The following SCRIB variants were observed in gnomAD, a reference collection of about 807,000 sequenced individuals.
The protein encoded by SCRIB is protein scribble homolog.
In SCRIB, 72 loss-of-function variants were observed where a neutral mutation model predicts 170.0. That is an observed-to-expected ratio of 0.42 (90% CI 0.35 to 0.52). The LOEUF (loss-of-function observed/expected upper bound fraction) is 0.52. SCRIB is among the 20% of genes least tolerant of loss of function. The pLI is 0.02. For synonymous variants in SCRIB, 1,298 were observed against 1,044.3 expected (o/e 1.24, Z -4.68); for missense variants, 2,475 against 2,338.5 (o/e 1.06, Z -1.20).
At chr8:143,801,975 G>A (rs1250283789) in intron 24 of SCRIB, among the ~76,000 whole-genome samples, 4 of 152,242 alleles carry the variant, frequency 2.6e-5, no homozygotes, top group Non-Finnish European at 4.4e-5. Context: ...CTGCAGACAT[G>A]GCACTAGCCC....
At chr8:143,809,849 C>T (rs905663001) in intron 13 of SCRIB, 131 bp from the exon 14 acceptor site, 84 of 1,044,864 alleles carry the variant, frequency 8.0e-5, no homozygotes, top group Non-Finnish European at 9.6e-5. Flanking sequence ...AACGGGCTCA[C>T]GCCCTCGCAG....
chr8:143,812,171 C>G (rs1227865930), intron 9 of SCRIB, 95 bp downstream of exon 9: 14 of 859,352 alleles, frequency 1.6e-5, no homozygotes, highest in Middle Eastern at 2.2e-4. Context: ...CAGGCTGCCA[C>G]CAGCACCCCC....
At chr8:143,799,496 G>A (rs1815082548) in intron 24 of SCRIB, among the ~76,000 whole-genome samples, 1 of 152,202 alleles carries the variant, frequency 6.6e-6, no homozygotes, top group Admixed American at 6.5e-5. Flanking sequence ...GGCCCAGTGG[G>A]AGAGGACTTG....
At position 143,812,838 on chromosome 8, in the gene SCRIB, G is replaced by A. The variant is rs766529502; in HGVS notation, c.766C>T (p.Arg256Trp). The change falls in exon 8 of 37, where the codon CGG (arginine) becomes TGG (tryptophan). Residue 256 changes from arginine to tryptophan, a missense_variant. Transcript: ENST00000356994. ...TAACCGATGCCGTCGGGCAGCCTCCGCAGCAGGTTCTGGGACAGCAGCAGG... is the reference window on the plus strand; with the variant it reads ...TAACCGATGCCGTCGGGCAGCCTCCACAGCAGGTTCTGGGACAGCAGCAGG... ...TDLLLSQNLL[R>W]RLPDGIGQLK... is the part of the protein sequence containing the mutation. 47 of 1,602,784 alleles carry A rather than the reference G, an allele frequency of 2.9e-5. No individual in the cohort carries two copies. Among genetic ancestry groups the A allele is most frequent in the African/African-American group, 5.3e-5 (4 of 74,918 alleles).
At chr8:143,794,256 G>A in intron 27 of SCRIB, 1 of 422,850 alleles carries the variant, frequency 2.4e-6, no homozygotes, top group East Asian at 3.5e-5. Flanking sequence ...AGCAGGGAGG[G>A]CTCGGGGGAG....
chr8:143,815,048 G>C (rs919718889), intron 1 of SCRIB, 166 bp downstream of exon 1: 1 of 764,062 alleles, frequency 1.3e-6, no homozygotes, highest in Non-Finnish European at 1.9e-6. Flanking sequence ...GCGCCAGCCA[G>C]GGCGGCTGGA....
chr8:143,792,306 C>A lies in SCRIB; in HGVS notation c.4428G>T (p.Pro1476=). The stretch of plus-strand genomic sequence containing the variant: ...GGGCACGCTCGGGTGCCGGTGGCTC[C>A]GGACTCTGCACGCGCAGCCGCTCCT... ...RHQERLRVQS[P]EPPAPERALS... Residue 1476 remains proline (P), a synonymous_variant, in exon 32 of 37, where the codon CCG becomes CCT. Coordinates refer to ENST00000356994, the MANE Select transcript of SCRIB (RefSeq NM_182706.5). 6.4e-7 allele frequency: 1 copy of A among 1,557,904 alleles called. No individual in the cohort carries two copies. Among genetic ancestry groups the A allele is most frequent in the Non-Finnish European group, 8.6e-7 (1 of 1,159,276 alleles).
chr8:143,810,874 C>G, intron 11 of SCRIB, 32 bp downstream of exon 11: 1 of 1,609,076 alleles, frequency 6.2e-7, no homozygotes, highest in Non-Finnish European at 8.5e-7. Flanking sequence ...TGAGAGCCAC[C>G]CCGCGCTAAG....
intron 17 of SCRIB, 146 bp downstream of exon 17, chr8:143,806,778 G>A (rs1815443808): frequency 6.0e-6 from 4 of 668,854 alleles, no homozygotes; most frequent in Non-Finnish European, 1.0e-5. Flanking sequence ...TGGACTTCGG[G>A]ATCCCACAAC....
At chr8:143,811,560 T>G (rs1350226703) in intron 9 of SCRIB, among the ~76,000 whole-genome samples, 1 of 152,008 alleles carries the variant, frequency 6.6e-6, no homozygotes, top group East Asian at 1.9e-4. Context: ...CCCTCAGCCT[T>G]CAGTCCCCAC....
In SCRIB at chr8:143,813,755, A is replaced by C. The variant is rs199833137; in HGVS notation, c.357-29T>G. 464 of 1,612,120 alleles carry C rather than the reference A, an allele frequency of 2.9e-4. 3 individuals are homozygous for C. The African/African-American group carries it at 5.2e-3, about 18-fold the overall frequency. On this transcript the variant is annotated intron_variant, in intron 3 of 36. Transcript: ENST00000356994. The stretch of plus-strand genomic sequence containing the variant: ...GATGGGAGGAAGCAGAGGCCCTCGG[A>C]TGACCAGTCCAGGGCTGTGGGACCC...
chr8:143,807,962 C>T (rs937056193), intron 15 of SCRIB, among the ~76,000 whole-genome samples: 11 of 152,198 alleles, frequency 7.2e-5, no homozygotes, highest in Non-Finnish European at 1.6e-4. Flanking sequence ...GCCCAGAGAG[C>T]AGGTGAGACC....
At chr8:143,813,218 G>A in intron 6 of SCRIB, 93 bp downstream of exon 6, 1 of 1,587,832 alleles carries the variant, frequency 6.3e-7, no homozygotes, top group Non-Finnish European at 8.6e-7. Context: ...CTCCCGAGGT[G>A]CCCCTTGCTG....
intron 24 of SCRIB, among the ~76,000 whole-genome samples, chr8:143,802,944 G>A (rs914177931): frequency 6.6e-6 from 1 of 152,200 alleles, no homozygotes; most frequent in African/African-American, 2.4e-5. Context: ...GGGCTGAGAG[G>A]AGCAAGGTGC....
chr8:143,808,861 C>G lies in SCRIB; in HGVS notation c.1863G>C (p.Gln621His), dbSNP rs765764471. ...GCAGCAGAGCCACAACGGCCTCGGGCTGGGGCAGCTTGGAGATCTTGAAGT... is the reference window on the plus strand; with the variant it reads ...GCAGCAGAGCCACAACGGCCTCGGGGTGGGGCAGCTTGGAGATCTTGAAGT... ...KKHFKISKLP[Q>H]PEAVVALLQG... Residue 621 changes from glutamine (Q) to histidine (H), a missense_variant, in exon 15 of 37, where the codon CAG (glutamine) becomes CAC (histidine). Gln to His is a conservative substitution (Grantham distance 24). This residue lies in a region of SCRIB where 1,966 missense variants were observed against 1,742.9 expected (regional missense o/e 1.13). Transcript: ENST00000356994. The G allele has an allele frequency of 6.2e-7, 1 of 1,610,464 alleles. No homozygotes were observed. The highest frequency in any genetic ancestry group is 1.1e-5 in the South Asian group (1 of 91,084).
At position 143,795,322 on chromosome 8, in the gene SCRIB, C is replaced by A. The variant is rs200280295; in HGVS notation, c.3726G>T (p.Leu1242=). Residue 1242 remains leucine, a synonymous_variant, in exon 26 of 37, where the codon CTG becomes CTT. Transcript: ENST00000356994. ...SPEGPGKEKE[L]PGQTLHWGPE... The stretch of plus-strand genomic sequence containing the variant: ...GCCCCCAGTGCAGGGTCTGTCCAGG[C>A]AGCTCCTTCTCCTGTGAGCAGAGCA... The A allele has an allele frequency of 4.3e-6, 7 of 1,612,704 alleles. No homozygotes were observed. In the Admixed American group the frequency reaches 6.7e-5, roughly 15 times the overall value.
chr8:143,801,803 C>T (rs1815182599), intron 24 of SCRIB, among the ~76,000 whole-genome samples: 1 of 152,296 alleles, frequency 6.6e-6, no homozygotes, highest in South Asian at 2.1e-4. Flanking sequence ...TGGTATCTGC[C>T]CCCAACACCA....
Position 143,810,804 on chromosome 8 carries a change from T to C in SCRIB, c.1286A>G (p.Gln429Arg). 3.1e-6 allele frequency: 5 copies of C among 1,601,862 alleles called. No homozygotes were observed. Among genetic ancestry groups the C allele is most frequent in the Non-Finnish European group, 4.2e-6 (5 of 1,176,768 alleles). ...QPPPSLEDAG[Q>R]QGSLSETWSD... ...CCAGGTCTCCGAGAGGCTCCCCTGC[T>C]GCCCAGCATCCTCTGCAGCAGGTGA... is the stretch of plus-strand genomic sequence containing the variant. The change falls in exon 12 of 37, where the codon CAG (glutamine) becomes CGG (arginine). Residue 429 changes from glutamine to arginine, a missense_variant. Gln to Arg is a conservative substitution (Grantham distance 43). Coordinates refer to ENST00000356994, the MANE Select transcript of SCRIB (RefSeq NM_182706.5).
intron 24 of SCRIB, among the ~76,000 whole-genome samples, chr8:143,796,725 A>C (rs1814963489): frequency 6.6e-6 from 1 of 152,210 alleles, no homozygotes; most frequent in Non-Finnish European, 1.5e-5. Flanking sequence ...CTAGCGGGAC[A>C]AACAACAAAC....
Sources: gnomAD v4.1 joint callset for allele counts (sites outside exome capture counted in the v4.1 genomes callset) on GRCh38, gnomAD v4.1.1 for gene constraint, gnomAD v4.1.1 regional missense constraint, MANE v1.5 for transcripts, NCBI Gene and HGNC (gene_info 2026-07-23, HGNC 2026-07-21) for gene names.